Variants in FAM227B observed in about 807,000 individuals in gnomAD.
FAM227B encodes the protein family with sequence similarity 227 member B.
Under a neutral mutation model 73.8 loss-of-function variants are expected in FAM227B, and 88 were observed. The observed-to-expected ratio is 1.19, with a 90% CI of 1.00 to 1.42. The LOEUF is 1.42. Among genes scored for constraint, FAM227B ranks in the 40% most tolerant of loss-of-function variants. FAM227B has a pLI of 0.00. For synonymous variants in FAM227B, 210 were observed against 190.5 expected (o/e 1.10, Z -0.84); for missense variants, 632 against 590.9 (o/e 1.07, Z -0.72).
intron 11 of FAM227B, among the ~76,000 whole-genome samples, chr15:49,373,188 T>G (rs1467653199): frequency 6.6e-6 from 1 of 152,056 alleles, no homozygotes; most frequent in African/African-American, 2.4e-5. Flanking sequence ...AAAAGTTTAC[T>G]TTTCAAATCA....
chr15:49,374,460 C>CA (rs1285643762), intron 11 of FAM227B, among the ~76,000 whole-genome samples: 2 of 152,136 alleles, frequency 1.3e-5, no homozygotes, highest in Non-Finnish European at 2.9e-5. Flanking sequence ...ATCCATTAGG[C>CA]AAAATGTATG....
At chr15:49,566,173 T>C (rs2074641695) in intron 9 of FAM227B, among the ~76,000 whole-genome samples, 1 of 152,240 alleles carries the variant, frequency 6.6e-6, no homozygotes, top group Non-Finnish European at 1.5e-5. Flanking sequence ...TGGTATTCTT[T>C]TAAGATCTCC....
intron 11 of FAM227B, among the ~76,000 whole-genome samples, chr15:49,396,751 C>T (rs1268397178): frequency 2.7e-5 from 4 of 147,178 alleles, no homozygotes; most frequent in Non-Finnish European, 3.1e-5. Context: ...ACACCTCACA[C>T]GGCAGGGTAC....
intron 13 of FAM227B, among the ~76,000 whole-genome samples, chr15:49,357,657 G>A (rs1237735416): frequency 4.0e-5 from 6 of 150,738 alleles, no homozygotes; most frequent in Non-Finnish European, 6.0e-5. Flanking sequence ...TCTACCAGAG[G>A]TACAAGGAGG....
chr15:49,564,298 T>C (rs2152341880), intron 9 of FAM227B, among the ~76,000 whole-genome samples: 1 of 152,174 alleles, frequency 6.6e-6, no homozygotes, highest in African/African-American at 2.4e-5. Flanking sequence ...CTATCTCACA[T>C]CAATCTGAGT....
chr15:49,356,279 A>C (rs959416579), intron 13 of FAM227B, among the ~76,000 whole-genome samples: 4 of 152,044 alleles, frequency 2.6e-5, no homozygotes, highest in South Asian at 2.1e-4. Context: ...ATTAAAAGAC[A>C]CAGACTGGCA....
At chr15:49,439,965 T>C (rs948960032) in intron 11 of FAM227B, among the ~76,000 whole-genome samples, 22 of 151,726 alleles carry the variant, frequency 1.4e-4, no homozygotes, top group Admixed American at 1.1e-3. Flanking sequence ...TGCACAAATA[T>C]TGGGGACAGG....
intron 9 of FAM227B, among the ~76,000 whole-genome samples, chr15:49,554,502 A>G (rs576087725): frequency 6.6e-6 from 1 of 152,280 alleles, no homozygotes; most frequent in East Asian, 1.9e-4. Context: ...CCCTCTGTCT[A>G]GGGCTGGTTT....
chr15:49,333,247 T>C (rs2039118260), intron 14 of FAM227B, among the ~76,000 whole-genome samples: 1 of 152,210 alleles, frequency 6.6e-6, no homozygotes, highest in African/African-American at 2.4e-5. Flanking sequence ...TTTATAACAT[T>C]ACTAATCCTC....
intron 3 of FAM227B, among the ~76,000 whole-genome samples, chr15:49,592,494 G>A (rs1026192828): frequency 7.9e-5 from 12 of 152,316 alleles, no homozygotes; most frequent in South Asian, 2.1e-4. Flanking sequence ...TATCACCAGC[G>A]GAGGCTGCAG....
At chr15:49,444,642 A>T (rs895201791) in intron 11 of FAM227B, among the ~76,000 whole-genome samples, 3 of 151,728 alleles carry the variant, frequency 2.0e-5, no homozygotes, top group African/African-American at 7.2e-5. Context: ...AAGTTGAATC[A>T]GGAACCTTCT....
intron 11 of FAM227B, among the ~76,000 whole-genome samples, chr15:49,439,429 TG>T (rs1004861489): frequency 1.7e-4 from 26 of 151,696 alleles, no homozygotes; most frequent in African/African-American, 5.3e-4. Context: ...TAGTAAAACG[TG>T]GGGGGAGGGA....
intron 11 of FAM227B, chr15:49,396,141 A>G (rs1276895031): frequency 2.7e-6 from 1 of 366,762 alleles, no homozygotes; most frequent in Admixed American, 3.4e-5. Flanking sequence ...GGGTGTGCTC[A>G]CCGTGTGCGA....
chr15:49,328,773 G>T (rs2037989916), intron 15 of FAM227B, 98 bp from the exon 16 acceptor site: 1 of 1,340,098 alleles, frequency 7.5e-7, no homozygotes, highest in African/African-American at 2.3e-5. Flanking sequence ...AGAGACTAAG[G>T]ATTTTTTTTT....
At chr15:49,538,219 C>T (rs1028368827) in intron 10 of FAM227B, among the ~76,000 whole-genome samples, 1 of 152,146 alleles carries the variant, frequency 6.6e-6, no homozygotes, top group African/African-American at 2.4e-5. Flanking sequence ...GGTTCACTTA[C>T]ATATGGATTT....
intron 11 of FAM227B, among the ~76,000 whole-genome samples, chr15:49,464,005 A>T (rs2054044120): frequency 6.6e-6 from 1 of 152,120 alleles, no homozygotes; most frequent in South Asian, 2.1e-4. Context: ...CGGAGGTGAG[A>T]CACTTTTTAA....
chr15:49,383,264 C>A (rs930411094), intron 11 of FAM227B, among the ~76,000 whole-genome samples: 1 of 152,094 alleles, frequency 6.6e-6, no homozygotes, highest in Non-Finnish European at 1.5e-5. Flanking sequence ...TATTGTACTT[C>A]ACAGATATTG....
chr15:49,551,703 AT>A (rs1364875519), intron 9 of FAM227B, among the ~76,000 whole-genome samples: 5 of 151,358 alleles, frequency 3.3e-5, no homozygotes, highest in Admixed American at 3.3e-4. Context: ...AGTGAATGTG[AT>A]TTTTCTCTGG....
chr15:49,486,203 G>C (rs1190138952), intron 11 of FAM227B: 1 of 152,008 alleles, frequency 6.6e-6, no homozygotes, highest in Non-Finnish European at 1.5e-5. Context: ...TTATAGATGA[G>C]AGTTATATGA....
Sources: gnomAD v4.1 joint callset for allele counts (sites outside exome capture counted in the v4.1 genomes callset) on GRCh38, gnomAD v4.1.1 for gene constraint, MANE v1.5 for transcripts, NCBI Gene and HGNC (gene_info 2026-07-23, HGNC 2026-07-21) for gene names.